The following MYRFL variants were observed in gnomAD, a reference collection of about 807,000 sequenced individuals.
MYRFL encodes myelin regulatory factor-like protein.
A neutral mutation model predicts 109.4 loss-of-function variants in MYRFL; 88 were observed. The ratio of observed to expected loss-of-function variants is 0.80; its 90% CI spans 0.68 to 0.96. The LOEUF is 0.96. Among genes scored for constraint, MYRFL ranks in the 40% least tolerant of loss-of-function variants. The pLI, the probability that MYRFL is intolerant of heterozygous loss-of-function variation, is 0.00. For missense variants in MYRFL, 957 were observed against 954.9 expected, an observed-to-expected ratio of 1.00 and a Z score of -0.03; for synonymous variants, 324 against 320.9, an observed-to-expected ratio of 1.01 and a Z score of -0.10.
chr12:69,893,989 ATTTTTTTTTT>A (rs60637559), intron 8 of MYRFL, 149 bp downstream of exon 8: 1 of 111,088 alleles, frequency 9.0e-6, no homozygotes, highest in Non-Finnish European at 1.6e-5. Flanking sequence ...AATAATGTTA[ATTTTTTTTTT>A]TTTTTTTTTT....
At chr12:69,932,086 C>G (rs911376731) in intron 15 of MYRFL, among the ~76,000 whole-genome samples, 1 of 152,132 alleles carries the variant, frequency 6.6e-6, no homozygotes, top group Non-Finnish European at 1.5e-5. Flanking sequence ...TCATGATACC[C>G]GAAATCATTC....
chr12:69,911,019 AC>A, intron 13 of MYRFL, 89 bp downstream of exon 13: 1 of 793,054 alleles, frequency 1.3e-6, no homozygotes, highest in Non-Finnish European at 2.0e-6. Context: ...GAAACATCCA[AC>A]CAGGAAGTGG....
At chr12:69,956,775 T>C (rs982893940) in intron 22 of MYRFL, among the ~76,000 whole-genome samples, 1 of 152,178 alleles carries the variant, frequency 6.6e-6, no homozygotes, top group Non-Finnish European at 1.5e-5. Context: ...AGGTTTCTTT[T>C]AAGCAGCTAA....
intron 13 of MYRFL, among the ~76,000 whole-genome samples, chr12:69,913,981 T>C (rs933460223): frequency 3.3e-5 from 5 of 152,348 alleles, no homozygotes; most frequent in African/African-American, 4.8e-5. Flanking sequence ...CTTTCAGCAA[T>C]GGTTTATAGT....
Position 69,886,986 on chromosome 12 carries a change from G to C in MYRFL, c.707+16G>C. ...ATGAAAAACTGTAAGTGGCTTGAGT[G>C]GGCTGGAGAGTGAGGGGAGAAAGAC... On this transcript the variant is annotated intron_variant, in intron 6 of 24. Coordinates refer to ENST00000552032, the MANE Select transcript of MYRFL (RefSeq NM_182530.3). 6.5e-7 allele frequency: 1 copy of C among 1,535,382 alleles called. No individual in the cohort carries two copies. The highest frequency in any genetic ancestry group is 8.7e-7 in the Non-Finnish European group (1 of 1,146,404).
intron 13 of MYRFL, among the ~76,000 whole-genome samples, chr12:69,911,958 A>AAT (rs1954585299): frequency 2.0e-5 from 3 of 152,244 alleles, no homozygotes; most frequent in African/African-American, 7.2e-5. Context: ...CTGCAATTCC[A>AAT]ACCAGCCTCC....
At chr12:69,926,932 GGTTTTTTTTTTTTTT>G (rs1441339571) in intron 14 of MYRFL, among the ~76,000 whole-genome samples, 198 bp downstream of exon 14, 5 of 76,850 alleles carry the variant, frequency 6.5e-5, no homozygotes, top group African/African-American at 2.4e-4. Flanking sequence ...TTCTGTTGCT[GGTTTTTTTTTTTTTT>G]TTTTTTTTTT....
At chr12:69,868,568 C>T (rs903988066) in intron 2 of MYRFL, among the ~76,000 whole-genome samples, 11 of 152,118 alleles carry the variant, frequency 7.2e-5, no homozygotes, top group African/African-American at 1.4e-4. Context: ...AAAGCAGCAG[C>T]GGAGGGGTGT....
At chr12:69,843,069 C>T (rs1045457356) in intron 1 of MYRFL, among the ~76,000 whole-genome samples, 6 of 152,220 alleles carry the variant, frequency 3.9e-5, no homozygotes, top group Admixed American at 3.9e-4. Flanking sequence ...GGTTGTGTCT[C>T]TACACACCAA....
chr12:69,911,022 A>G (rs1954550371), intron 13 of MYRFL, 92 bp downstream of exon 13: 3 of 746,492 alleles, frequency 4.0e-6, no homozygotes. Flanking sequence ...ACATCCAACC[A>G]GGAAGTGGGA....
chr12:69,838,110 G>A (rs780034693), intron 1 of MYRFL, among the ~76,000 whole-genome samples: 25 of 152,098 alleles, frequency 1.6e-4, no homozygotes, highest in Non-Finnish European at 3.5e-4. Context: ...TGCCTGACTC[G>A]GGAGGACAGA....
In MYRFL at chr12:69,886,954, A is replaced by C; in HGVS notation, c.691A>C (p.Ser231Arg). ...HSVPWHSLLNSHYEKLPDVGY... is the reference protein window; with the variant it reads ...HSVPWHSLLNRHYEKLPDVGY... ...TGTTCCTTGGCACAGCTTATTAAAC[A>C]GTCATTATGAAAAACTGTAAGTGGC... The change falls in exon 6 of 25, where the codon AGT becomes CGT. Residue 231 changes from serine (S) to arginine (R), a missense_variant. Physicochemically the swap from Ser to Arg is moderately radical, Grantham distance 110 (BLOSUM62 -1). Coordinates refer to ENST00000552032, the MANE Select transcript of MYRFL (RefSeq NM_182530.3). 1 of 1,535,852 alleles carries C rather than the reference A, an allele frequency of 6.5e-7. No individual in the cohort carries two copies. The highest frequency in any genetic ancestry group is 8.7e-7 in the Non-Finnish European group (1 of 1,146,686).
intron 1 of MYRFL, among the ~76,000 whole-genome samples, chr12:69,849,697 C>T (rs530034866): frequency 1.3e-5 from 2 of 152,160 alleles, no homozygotes; most frequent in African/African-American, 4.8e-5. Context: ...TCATTTCAGA[C>T]TTTCTCTTTA....
chr12:69,835,960 C>G (rs570603162), intron 1 of MYRFL, among the ~76,000 whole-genome samples: 57 of 152,322 alleles, frequency 3.7e-4, no homozygotes, highest in African/African-American at 1.3e-3. Flanking sequence ...TCAACTAGAC[C>G]CTCTACCTTG....
chr12:69,900,942 G>T (rs552609008), intron 10 of MYRFL, among the ~76,000 whole-genome samples: 16 of 152,280 alleles, frequency 1.1e-4, no homozygotes, highest in Admixed American at 3.3e-4. Flanking sequence ...AGAGTGTGTC[G>T]AGAATAACTT....
intron 13 of MYRFL, among the ~76,000 whole-genome samples, chr12:69,919,132 T>C (rs191992418): frequency 1.4e-4 from 22 of 152,338 alleles, no homozygotes; most frequent in Non-Finnish European, 2.5e-4. Flanking sequence ...GAACTACTGA[T>C]TGTGTTCATC....
intron 19 of MYRFL, among the ~76,000 whole-genome samples, chr12:69,943,234 A>C (rs976420200): frequency 2.6e-5 from 4 of 151,424 alleles, no homozygotes; most frequent in African/African-American, 9.8e-5. Context: ...AGTTAATCCT[A>C]AGCCAAAAGA....
At chr12:69,901,740 A>G (rs1954188978) in intron 10 of MYRFL, among the ~76,000 whole-genome samples, 1 of 152,200 alleles carries the variant, frequency 6.6e-6, no homozygotes, top group Non-Finnish European at 1.5e-5. Context: ...CCAATTTGCC[A>G]TTCACAACCA....
At chr12:69,894,475 T>G (rs922245868) in intron 8 of MYRFL, among the ~76,000 whole-genome samples, 4 of 152,244 alleles carry the variant, frequency 2.6e-5, no homozygotes, top group Admixed American at 2.6e-4. Flanking sequence ...ACAACTTTAG[T>G]TCCTTGAAAT....
Sources: allele counts gnomAD v4.1 joint callset (sites outside exome capture counted in the v4.1 genomes callset), GRCh38; gene constraint gnomAD v4.1.1; transcripts MANE v1.5; gene names NCBI Gene and HGNC (gene_info 2026-07-23, HGNC 2026-07-21).